The following FREM2 variants were observed in gnomAD, a reference collection of about 807,000 sequenced individuals.
The protein encoded by FREM2 is FRAS1 related extracellular matrix 2.
In FREM2, 119 loss-of-function variants were observed where a neutral mutation model predicts 219.9. The observed-to-expected ratio is 0.54, with a 90% CI of 0.47 to 0.63. FREM2 has a LOEUF of 0.63. FREM2 is among the 30% of genes least tolerant of loss of function. The probability of loss-of-function intolerance (pLI) is 0.00; values close to 1 mark genes in which losing one functional copy is unlikely to be tolerated. For missense variants in FREM2, 4,030 were observed against 3,993.6 expected, an observed-to-expected ratio of 1.01 and a Z score of -0.25; for synonymous variants, 1,562 against 1,522.8, an observed-to-expected ratio of 1.03 and a Z score of -0.60.
At chr13:38,777,304 C>G (rs891664550) in intron 4 of FREM2, among the ~76,000 whole-genome samples, 3 of 152,132 alleles carry the variant, frequency 2.0e-5, no homozygotes, top group Non-Finnish European at 4.4e-5. Context: ...TCGTGTTGCT[C>G]TTTTATCATC....
At chr13:38,811,803 A>G (rs1875486391) in intron 6 of FREM2, among the ~76,000 whole-genome samples, 1 of 152,196 alleles carries the variant, frequency 6.6e-6, no homozygotes, top group Non-Finnish European at 1.5e-5. Flanking sequence ...AATATCTATT[A>G]GGTCCATTTG....
intron 16 of FREM2, among the ~76,000 whole-genome samples, chr13:38,872,394 A>G (rs926098613): frequency 1.3e-5 from 2 of 152,190 alleles, no homozygotes; most frequent in Non-Finnish European, 2.9e-5. Flanking sequence ...AAATATACTA[A>G]GAACCATTGA....
At chr13:38,720,204 G>C (rs969833180) in intron 2 of FREM2, among the ~76,000 whole-genome samples, 25 of 152,164 alleles carry the variant, frequency 1.6e-4, no homozygotes, top group African/African-American at 5.6e-4. Flanking sequence ...TGTACAAACA[G>C]TACTGTGACT....
chr13:38,735,119 T>C (rs968916345), intron 2 of FREM2, among the ~76,000 whole-genome samples: 1 of 152,202 alleles, frequency 6.6e-6, no homozygotes, highest in Non-Finnish European at 1.5e-5. Context: ...TATCTGATTC[T>C]GCATTCGATC....
At chr13:38,798,521 A>C (rs747461712) in intron 6 of FREM2, among the ~76,000 whole-genome samples, 2 of 151,944 alleles carry the variant, frequency 1.3e-5, no homozygotes, top group Admixed American at 6.6e-5. Flanking sequence ...TATTTTTTGT[A>C]CTAGTTTTAG....
chr13:38,760,697 A>G (rs188477853), intron 2 of FREM2, among the ~76,000 whole-genome samples: 154 of 152,346 alleles, frequency 1.0e-3, no homozygotes, highest in Non-Finnish European at 1.8e-3. Flanking sequence ...TGCTCAATAA[A>G]TGAAGGACCA....
chr13:38,871,994 A>G (rs749176935), intron 16 of FREM2, among the ~76,000 whole-genome samples: 54 of 152,198 alleles, frequency 3.5e-4, no homozygotes, highest in Non-Finnish European at 7.2e-4. Flanking sequence ...TTCCCTTAAT[A>G]AAAAAGTAGC....
chr13:38,703,616 T>C (rs1870424766), intron 2 of FREM2, among the ~76,000 whole-genome samples: 1 of 152,192 alleles, frequency 6.6e-6, no homozygotes, highest in Non-Finnish European at 1.5e-5. Context: ...ACCTGTACTG[T>C]GTGCAAGAAC....
At chr13:38,714,008 A>T (rs1870883012) in intron 2 of FREM2, among the ~76,000 whole-genome samples, 1 of 152,222 alleles carries the variant, frequency 6.6e-6, no homozygotes, top group African/African-American at 2.4e-5. Flanking sequence ...CAATAATGCT[A>T]CTGCTTGGAA....
intron 2 of FREM2, among the ~76,000 whole-genome samples, chr13:38,761,800 A>G (rs539131491): frequency 2.0e-5 from 3 of 152,260 alleles, no homozygotes; most frequent in African/African-American, 7.2e-5. Flanking sequence ...AGGCAAGAGG[A>G]CAAGGGTGAT....
chr13:38,871,098 T>C (rs773330886), intron 16 of FREM2, among the ~76,000 whole-genome samples: 1 of 152,164 alleles, frequency 6.6e-6, no homozygotes, highest in Non-Finnish European at 1.5e-5. Context: ...CAAAGGACTT[T>C]TAATGCAAAG....
chr13:38,746,003 C>A (rs1250819525), intron 2 of FREM2, among the ~76,000 whole-genome samples: 1 of 152,086 alleles, frequency 6.6e-6, no homozygotes, highest in Non-Finnish European at 1.5e-5. Flanking sequence ...GATCCCATTT[C>A]TTACTTTTAT....
At chr13:38,763,860 C>T (rs1873333274) in intron 2 of FREM2, among the ~76,000 whole-genome samples, 1 of 152,088 alleles carries the variant, frequency 6.6e-6, no homozygotes, top group African/African-American at 2.4e-5. Context: ...TAAAACCTTC[C>T]ACCCAATTGC....
Position 38,692,335 on chromosome 13 carries a change from C to T in FREM2, c.4991C>T (p.Ala1664Val), listed in dbSNP as rs149779771. 6.0e-4 allele frequency: 956 copies of T among 1,604,442 alleles called. 3 individuals are homozygous for T. Among genetic ancestry groups the T allele is most frequent in the Middle Eastern group, 2.3e-3 (14 of 6,002 alleles). Reference protein sequence around the residue: ...SVPQIAVNKGASTLRTLATGH... With the variant: ...SVPQIAVNKGVSTLRTLATGH... ...CCCCAAATCGCAGTGAATAAGGGGG[C>T]CTCTACACTTCGCACTCTAGCCACT... The change falls in exon 1 of 24, where the codon GCC (alanine) becomes GTC (valine). Residue 1664 changes from alanine to valine, a missense_variant. Around this residue, in one of 2 missense-constraint regions of FREM2, gnomAD observed 3,102 missense variants for 2,950.7 expected, o/e 1.05. Transcript: ENST00000280481.
intron 2 of FREM2, among the ~76,000 whole-genome samples, chr13:38,758,560 G>C (rs1405123758): frequency 6.6e-6 from 1 of 152,182 alleles, no homozygotes; most frequent in African/African-American, 2.4e-5. Context: ...CCTGGGGGCA[G>C]GGTAAGAGCC....
intron 6 of FREM2, among the ~76,000 whole-genome samples, chr13:38,840,532 A>G (rs893921446): frequency 1.3e-5 from 2 of 148,556 alleles, no homozygotes; most frequent in Admixed American, 6.7e-5. Context: ...TTAATCTATC[A>G]CTGCTGCTGA....
chr13:38,700,479 A>G (rs1197497088), intron 2 of FREM2, among the ~76,000 whole-genome samples: 2 of 152,114 alleles, frequency 1.3e-5, no homozygotes, highest in Non-Finnish European at 2.9e-5. Context: ...TTGATATAGC[A>G]CATGTCCACA....
intron 11 of FREM2, among the ~76,000 whole-genome samples, chr13:38,855,217 GA>G (rs1020746841): frequency 7.3e-5 from 11 of 151,616 alleles, no homozygotes; most frequent in Non-Finnish European, 1.6e-4. Flanking sequence ...AGGGTGAAGG[GA>G]AAAAAATCAT....
At position 38,876,122 on chromosome 13, in the gene FREM2, G is replaced by A. The variant is rs1361963498; in HGVS notation, c.8382G>A (p.Gln2794=). Residue 2794 remains glutamine, a synonymous_variant, in exon 19 of 24, where the codon CAG becomes CAA. Coordinates refer to ENST00000280481, the MANE Select transcript of FREM2 (RefSeq NM_207361.6). ...RSEPTYNQPV[Q]QWSFVSDFAV... is the part of the protein sequence containing the mutation. ...AACCAACCTATAACCAGCCAGTACA[G>A]CAGTGGAGCTTTGTCTCTGACTTTG... The A allele has an allele frequency of 1.9e-6, 3 of 1,614,130 alleles. No individual in the cohort carries two copies. The highest frequency in any genetic ancestry group is 1.7e-5 in the Admixed American group (1 of 60,024).
Sources: allele counts gnomAD v4.1 joint callset (sites outside exome capture counted in the v4.1 genomes callset), GRCh38; gene constraint gnomAD v4.1.1; regional missense constraint gnomAD v4.1.1; transcripts MANE v1.5; gene names NCBI Gene and HGNC (gene_info 2026-07-23, HGNC 2026-07-21).